Variants in RYK observed in about 807,000 individuals in gnomAD.
The protein encoded by RYK is receptor like tyrosine kinase.
Under a neutral mutation model 70.2 loss-of-function variants are expected in RYK, and 21 were observed. The ratio of observed to expected loss-of-function variants is 0.30; its 90% CI spans 0.21 to 0.43. The LOEUF (loss-of-function observed/expected upper bound fraction) is 0.43, where lower values mean the gene tolerates loss of function less well. Ranked by LOEUF, RYK falls within the 20% of genes least tolerant of loss-of-function variation. The pLI, the probability that RYK is intolerant of heterozygous loss-of-function variation, is 1.00. For missense variants in RYK, 604 were observed against 753.3 expected, an observed-to-expected ratio of 0.80 and a Z score of 2.32; for synonymous variants, 267 against 278.0, an observed-to-expected ratio of 0.96 and a Z score of 0.39.
chr3:134,202,085 C>A (rs1002732501), intron 6 of RYK, among the ~76,000 whole-genome samples: 2 of 152,084 alleles, frequency 1.3e-5, no homozygotes, highest in Non-Finnish European at 2.9e-5. Flanking sequence ...AGATTAAAAT[C>A]TTGAAACTAT....
intron 10 of RYK, 175 bp from the exon 11 acceptor site, chr3:134,178,248 C>T: frequency 1.9e-6 from 1 of 532,860 alleles, no homozygotes; most frequent in South Asian, 2.7e-5. Context: ...TTAAGTGTCC[C>T]CTATATATGT....
At chr3:134,213,838 C>G (rs1399879022) in intron 2 of RYK, among the ~76,000 whole-genome samples, 1 of 152,164 alleles carries the variant, frequency 6.6e-6, no homozygotes, top group East Asian at 1.9e-4. Flanking sequence ...GAGTCTCACT[C>G]TGTCACCCAG....
At chr3:134,247,349 C>A (rs1017323539) in intron 1 of RYK, among the ~76,000 whole-genome samples, 4 of 152,236 alleles carry the variant, frequency 2.6e-5, no homozygotes, top group South Asian at 2.1e-4. Context: ...GTAGTAGCTA[C>A]CCCTGGAAAG....
rs71139519 is a variant in RYK at position 134,221,196 on chromosome 3, C to CTTTTTTTTTTTT, written c.354+1210_354+1221dup. Among the ~76,000 whole-genome samples the CTTTTTTTTTTTT allele has an allele frequency of 7.6e-5, 6 of 78,562 alleles. 1 individual carries two copies. The highest frequency in any genetic ancestry group is 2.8e-4 in the African/African-American group (5 of 17,892). The allele number at this position is 78,562 out of a possible 152,430, so 51.5% of individuals were successfully genotyped here. On this transcript the variant is annotated intron_variant, in intron 2 of 14. Transcript: ENST00000623711. Reference sequence around the variant, plus strand: ...CTACAAAGTCTTAACAGTTCTTTTTCTTTTTTTTTTTTTTTTTTTTTTTTT... The same window carrying CTTTTTTTTTTTT: ...CTACAAAGTCTTAACAGTTCTTTTTCTTTTTTTTTTTTTTTTTTTTTTTTTTTTTTTTTTTTT...
rs1415845429 is a variant in RYK at position 134,250,858 on chromosome 3, C to G, written c.-204G>C. The stretch of plus-strand genomic sequence containing the variant: ...TCGCTGCATCGTCCGGAGTTGGGGG[C>G]TGCCCGCGGGACGCGCCCGTGCGCG... On this transcript the variant is annotated 5_prime_UTR_variant, in exon 1 of 15. Coordinates refer to ENST00000623711, the MANE Select transcript of RYK (RefSeq NM_002958.4). The G allele has an allele frequency of 6.3e-6, 1 of 157,852 alleles. No individual in the cohort carries two copies. Among genetic ancestry groups the G allele is most frequent in the Non-Finnish European group, 1.4e-5 (1 of 73,142 alleles). The allele number at this position is 157,852 out of a possible 1,614,324, so 9.8% of individuals were successfully genotyped here.
chr3:134,167,862 T>C (rs903909046), intron 13 of RYK, among the ~76,000 whole-genome samples: 24 of 152,258 alleles, frequency 1.6e-4, no homozygotes, highest in Admixed American at 4.6e-4. Flanking sequence ...AGAAAATTTT[T>C]GTAATCTACT....
intron 5 of RYK, among the ~76,000 whole-genome samples, chr3:134,206,489 T>C (rs1328232956): frequency 6.6e-6 from 1 of 152,142 alleles, no homozygotes; most frequent in Admixed American, 6.5e-5. Flanking sequence ...TTGTGTAGGC[T>C]TCATTTGGAT....
intron 11 of RYK, 53 bp from the exon 12 acceptor site, chr3:134,176,092 A>T: frequency 9.6e-7 from 1 of 1,043,888 alleles, no homozygotes; most frequent in Non-Finnish European, 1.5e-6. Flanking sequence ...ATATGATGGC[A>T]CTTTCTTACT....
chr3:134,185,644 A>C (rs1456029471), intron 9 of RYK, among the ~76,000 whole-genome samples: 1 of 152,158 alleles, frequency 6.6e-6, no homozygotes, highest in African/African-American at 2.4e-5. Flanking sequence ...TCTTTCTATA[A>C]CCTAAATAAT....
intron 2 of RYK, among the ~76,000 whole-genome samples, chr3:134,221,854 G>A (rs1042234087): frequency 2.0e-5 from 3 of 152,152 alleles, no homozygotes; most frequent in Non-Finnish European, 2.9e-5. Context: ...ATGTTTGAGG[G>A]ACCCAGGCAG....
chr3:134,177,523 T>C (rs1287820148), intron 11 of RYK, among the ~76,000 whole-genome samples: 1 of 152,164 alleles, frequency 6.6e-6, no homozygotes, highest in Non-Finnish European at 1.5e-5. Context: ...ATATTAACAA[T>C]ACATCCAATT....
intron 1 of RYK, among the ~76,000 whole-genome samples, chr3:134,238,310 C>T (rs928976577): frequency 2.0e-5 from 3 of 152,074 alleles, no homozygotes; most frequent in Admixed American, 1.3e-4. Context: ...TCAGCATTTC[C>T]TCATATATTT....
intron 1 of RYK, among the ~76,000 whole-genome samples, chr3:134,243,411 C>G (rs1019792743): frequency 2.0e-5 from 3 of 152,138 alleles, no homozygotes; most frequent in African/African-American, 7.2e-5. Context: ...CAAAGCCATC[C>G]TTTTCACTGG....
intron 13 of RYK, among the ~76,000 whole-genome samples, chr3:134,172,612 A>G (rs2012954895): frequency 6.6e-6 from 1 of 152,214 alleles, no homozygotes; most frequent in African/African-American, 2.4e-5. Context: ...GAAAAATATA[A>G]AAATCAAAAC....
chr3:134,219,869 G>A (rs1029221491), intron 2 of RYK, among the ~76,000 whole-genome samples: 6 of 152,178 alleles, frequency 3.9e-5, no homozygotes, highest in Non-Finnish European at 8.8e-5. Context: ...TCCAAAAACA[G>A]ATGCAAAAAG....
intron 13 of RYK, among the ~76,000 whole-genome samples, chr3:134,160,376 C>T (rs1385462489): frequency 2.0e-5 from 3 of 151,950 alleles, no homozygotes; most frequent in Non-Finnish European, 2.9e-5. Flanking sequence ...AAATACCAAA[C>T]GCAAGTCAAA....
rs570420334 is a variant in RYK at position 134,213,188 on chromosome 3, C to T, written c.355-1581G>A. The stretch of plus-strand genomic sequence containing the variant: ...TGCATTATACATCCCTACACCGATG[C>T]TATCTCTGAACAGGACCATACATGA... On this transcript the variant is annotated intron_variant, in intron 2 of 14. Transcript: ENST00000623711. 9.9e-5 allele frequency among the ~76,000 whole-genome samples: 15 copies of T among 152,278 alleles called. No homozygotes were observed. The South Asian group carries it at 3.1e-3, about 32-fold the overall frequency.
At chr3:134,219,051 C>A (rs750661209) in intron 2 of RYK, among the ~76,000 whole-genome samples, 5 of 152,112 alleles carry the variant, frequency 3.3e-5, no homozygotes, top group Non-Finnish European at 5.9e-5. Context: ...CCCAAATGTG[C>A]ACTAATAATA....
intron 1 of RYK, among the ~76,000 whole-genome samples, chr3:134,241,796 T>C (rs535545493): frequency 6.6e-4 from 101 of 152,340 alleles, no homozygotes; most frequent in African/African-American, 2.3e-3. Context: ...ATTCTGTTAA[T>C]TGCCCACAAC....
Sources: allele counts gnomAD v4.1 joint callset (sites outside exome capture counted in the v4.1 genomes callset), GRCh38; gene constraint gnomAD v4.1.1; transcripts MANE v1.5; gene names NCBI Gene and HGNC (gene_info 2026-07-23, HGNC 2026-07-21).